MYL5: variants seen among roughly 807,000 people sequenced by gnomAD.
MYL5 encodes myosin light chain 5, also known as myosin regulatory light chain 5.
A neutral mutation model predicts 20.8 loss-of-function variants in MYL5; 28 were observed. That is an observed-to-expected ratio of 1.35 (90% CI 1.00 to 1.84). The LOEUF (loss-of-function observed/expected upper bound fraction) is 1.84, where lower values mean the gene tolerates loss of function less well. Among genes scored for constraint, MYL5 ranks in the 40% most tolerant of loss-of-function variants. The pLI, the probability that MYL5 is intolerant of heterozygous loss-of-function variation, is 0.00. For synonymous variants in MYL5, 118 were observed against 87.4 expected, an observed-to-expected ratio of 1.35 and a Z score of -1.95; for missense variants, 274 against 227.3, an observed-to-expected ratio of 1.21 and a Z score of -1.32.
chr4:681,109 T>C, exon 6 of MYL5: 1 of 1,606,258 alleles, frequency 6.2e-7, no homozygotes, highest in Non-Finnish European at 8.5e-7. Flanking sequence ...CGTCTGCTGA[T>C]GTCCCAGGCT....
At chr4:678,095 A>G (rs1355519275) in intron 1 of MYL5, 66 bp downstream of exon 3, 50 of 1,594,904 alleles carry the variant, frequency 3.1e-5, no homozygotes, top group South Asian at 1.2e-4. Flanking sequence ...GCATGTGTAC[A>G]TGCGCACAGA....
chr4:680,107 A>G (rs987346377), intron 4 of MYL5, 89 bp downstream of exon 6: 49 of 1,280,236 alleles, frequency 3.8e-5, no homozygotes, highest in Non-Finnish European at 5.1e-5. Flanking sequence ...TCTCTTTTCC[A>G]ATCTCTGGAG....
chr4:680,552 G>C, exon 5 of MYL5: 1 of 1,613,576 alleles, frequency 6.2e-7, no homozygotes, highest in Middle Eastern at 1.7e-4. Context: ...TCAAGATGCT[G>C]GACCCGGACG....
chr4:681,236 C>T (rs1449757169), intron 6 of MYL5, 96 bp downstream of exon 8: 3 of 1,451,984 alleles, frequency 2.1e-6, no homozygotes, highest in Non-Finnish European at 1.9e-6. Context: ...AGGAGCAGCG[C>T]CGCGGTTAGG....
intron 6 of MYL5, 106 bp from the exon 9 acceptor site, chr4:681,787 C>T: frequency 8.1e-7 from 1 of 1,233,552 alleles, no homozygotes; most frequent in Non-Finnish European, 1.0e-6. Context: ...GGGCCCCTCC[C>T]CGCTCCCCCT....
Position 680,900 on chromosome 4 carries a change from C to T in MYL5, c.372-192C>T, listed in dbSNP as rs527832623. 6.3e-5 allele frequency: 43 copies of T among 683,384 alleles called. No individual in the cohort carries two copies. The African/African-American group carries it at 6.8e-4, about 11-fold the overall frequency. The allele number at this position is 683,384 out of a possible 1,614,324, so 42.3% of individuals were successfully genotyped here. On this transcript the variant is annotated intron_variant, in intron 5 of 6. Coordinates refer to ENST00000400159, the Ensembl canonical transcript of MYL5. ...AACCTCCTTCCGGCTCTGTCCCCAT[C>T]AGCGGCTCCCCCAGAAGTGATGGCC...
chr4:678,200 G>A, intron 1 of MYL5, 171 bp downstream of exon 3: 1 of 1,520,266 alleles, frequency 6.6e-7, no homozygotes. Flanking sequence ...ATGTGCGTGT[G>A]TGTGACCTTG....
exon 5 of MYL5, chr4:680,514 G>A (rs752115083): frequency 1.6e-5 from 26 of 1,613,140 alleles, no homozygotes; most frequent in South Asian, 4.4e-5. Context: ...GGCAGGTACC[G>A]ACGCCGAGGA....
chr4:680,161 C>CCCGTCAG (rs1739308659), intron 4 of MYL5, 143 bp downstream of exon 6: 3 of 823,008 alleles, frequency 3.6e-6, no homozygotes, highest in Non-Finnish European at 5.7e-6. Flanking sequence ...ACTGTGGGGC[C>CCCGTCAG]CCGTCAGCCA....
rs200461557 is a variant in MYL5, at chr4:679,052, C to T, written c.187+19C>T. 319 of 1,605,638 alleles carry T rather than the reference C, an allele frequency of 2.0e-4. No individual in the cohort carries two copies. The highest frequency in any genetic ancestry group is 7.5e-4 in the African/African-American group (55 of 73,306). On this transcript the variant is annotated intron_variant, in intron 3 of 6. Coordinates refer to ENST00000400159, the Ensembl canonical transcript of MYL5. ...TCCCTGGGTAGGTACCCAGGCAGAA[C>T]GCCTCAGAGCCCTTGGAGGAGGCGA...
upstream of MYL5, chr4:677,879 A>C: frequency 7.3e-7 from 1 of 1,372,624 alleles, no homozygotes; most frequent in South Asian, 1.2e-5. Context: ...CTCACTCTGC[A>C]GCTGTCCAGT....
At chr4:681,125 G>T (rs1432593445) in exon 6 of MYL5, 1 of 1,607,056 alleles carries the variant, frequency 6.2e-7, no homozygotes, top group African/African-American at 1.3e-5. Context: ...AGGCTGACAA[G>T]ATGACGGCGG....
intron 6 of MYL5, among the ~76,000 whole-genome samples, chr4:681,497 C>A (rs541021398): frequency 1.3e-5 from 2 of 150,378 alleles, no homozygotes; most frequent in African/African-American, 2.4e-5. Flanking sequence ...CGGGCCACCC[C>A]TCAGGACCCC....
chr4:679,291 C>A, intron 3 of MYL5: 1 of 388,074 alleles, frequency 2.6e-6, no homozygotes, highest in Non-Finnish European at 4.2e-6. Context: ...AGGCAGCAGG[C>A]TCCAGGGAGG....
upstream of MYL5, chr4:674,800 G>A (rs566742630): frequency 1.2e-4 from 19 of 156,770 alleles, no homozygotes; most frequent in South Asian, 2.3e-3. Context: ...GGCTCCCCGG[G>A]CAGGTCCTTC....
Position 681,884 on chromosome 4 carries a change from CG to C in MYL5, c.421-8del. 7.6e-7 allele frequency: 1 copy of C among 1,313,908 alleles called. No homozygotes were observed. Among genetic ancestry groups the C allele is most frequent in the East Asian group, 2.8e-5 (1 of 35,554 alleles). The allele number at this position is 1,313,908 out of a possible 1,614,324, so 81.4% of individuals were successfully genotyped here. A position where few individuals can be genotyped will look rare whatever the true frequency, so the allele number is the denominator to read the frequency against. ...AGCCCGCAAGGAGCCCTTTCGCCCC[CG>C]CCCGCAGGTGGACCAGATGTTCCAG... On this transcript the variant is annotated splice_region_variant and splice_polypyrimidine_tract_variant and intron_variant, in intron 6 of 6. Transcript: ENST00000400159.
At chr4:677,882 T>C, upstream of MYL5, 1 of 1,397,790 alleles carries the variant, frequency 7.2e-7, no homozygotes, top group Non-Finnish European at 1.0e-6. Context: ...ACTCTGCAGC[T>C]GTCCAGTCCC....
chr4:675,445 C>T (rs1031491281), upstream of MYL5: 2 of 152,462 alleles, frequency 1.3e-5, no homozygotes, highest in African/African-American at 4.8e-5. Flanking sequence ...TGGCTCGGGT[C>T]TCGCTAAGGT....
At chr4:678,357 C>T (rs189276557) in intron 1 of MYL5, 15 of 1,413,012 alleles carry the variant, frequency 1.1e-5, no homozygotes, top group Non-Finnish European at 1.4e-5. Context: ...GCCCCTCAAG[C>T]CTTCAGAGGC....
Sources: allele counts gnomAD v4.1 joint callset (sites outside exome capture counted in the v4.1 genomes callset), GRCh38; gene constraint gnomAD v4.1.1; transcripts MANE v1.5; gene names NCBI Gene and HGNC (gene_info 2026-07-23, HGNC 2026-07-21).